Variants in CDH12 observed in about 807,000 individuals in gnomAD.
The protein encoded by CDH12 is cadherin 12, also known as cadherin-12.
A neutral mutation model predicts 74.1 loss-of-function variants in CDH12; 41 were observed. The observed-to-expected ratio is 0.55, with a 90% CI of 0.43 to 0.72. The LOEUF is 0.72. CDH12 is among the 30% of genes least tolerant of loss of function. The pLI is 0.00. For synonymous variants in CDH12, 399 were observed against 355.0 expected (o/e 1.12, Z -1.39); for missense variants, 945 against 977.2 (o/e 0.97, Z 0.44).
intron 1 of CDH12, among the ~76,000 whole-genome samples, chr5:22,735,057 A>G (rs1195894408): frequency 6.6e-6 from 1 of 151,940 alleles, no homozygotes; most frequent in African/African-American, 2.4e-5. Context: ...TTACATCAGT[A>G]TCTGAATTGC....
chr5:21,968,999 G>A (rs1756713097), intron 6 of CDH12, among the ~76,000 whole-genome samples: 1 of 151,550 alleles, frequency 6.6e-6, no homozygotes, highest in South Asian at 2.1e-4. Flanking sequence ...GTAGGGAGGG[G>A]GAGCATTAGA....
chr5:22,579,636 T>G (rs780186434), intron 1 of CDH12, among the ~76,000 whole-genome samples: 1 of 152,200 alleles, frequency 6.6e-6, no homozygotes, highest in African/African-American at 2.4e-5. Context: ...CTTTTTTATT[T>G]CATTGTTTTC....
chr5:21,855,387 A>G (rs1750700025), intron 6 of CDH12, among the ~76,000 whole-genome samples: 1 of 151,670 alleles, frequency 6.6e-6, no homozygotes, highest in African/African-American at 2.4e-5. Context: ...CCACAGTCAA[A>G]TGATCTGCAG....
intron 13 of CDH12, among the ~76,000 whole-genome samples, chr5:21,757,889 T>C (rs1267982494): frequency 6.6e-6 from 1 of 152,190 alleles, no homozygotes; most frequent in Non-Finnish European, 1.5e-5. Flanking sequence ...TTATCAATTC[T>C]ATTTCCATCC....
chr5:21,975,096 G>A lies in CDH12; in HGVS notation c.521C>T (p.Pro174Leu). Reference sequence around the variant, plus strand: ...ATTTTGATTTGCCTACTCACCCACAGGAGACATTTCTGGAACAGTAGCAAC... The same window carrying A: ...ATTTTGATTTGCCTACTCACCCACAAGAGACATTTCTGGAACAGTAGCAAC... ...PYVATVPEMS[P>L]VGAYVLQVKA... The change falls in exon 6 of 15, where the codon CCT (proline) becomes CTT (leucine). Residue 174 changes from proline to leucine, a missense_variant. This residue lies in a region of CDH12 where 791 missense variants were observed against 792.8 expected (regional missense o/e 1.00). Coordinates refer to ENST00000382254, the MANE Select transcript of CDH12 (RefSeq NM_004061.5). 1.3e-6 allele frequency: 2 copies of A among 1,593,246 alleles called. No individual in the cohort carries two copies. Among genetic ancestry groups the A allele is most frequent in the Admixed American group, 1.7e-5 (1 of 59,552 alleles).
intron 4 of CDH12, among the ~76,000 whole-genome samples, chr5:22,187,553 TG>T (rs1750028093): frequency 6.7e-6 from 1 of 150,236 alleles, no homozygotes; most frequent in South Asian, 2.1e-4. Context: ...TCAAGTTCAT[TG>T]TGACCACGAA....
At chr5:22,470,536 A>G (rs1306025497) in intron 2 of CDH12, among the ~76,000 whole-genome samples, 1 of 152,142 alleles carries the variant, frequency 6.6e-6, no homozygotes, top group East Asian at 1.9e-4. Flanking sequence ...TCCCCGCATC[A>G]GCCTTCTGAT....
At chr5:22,382,961 G>T (rs1741833748) in intron 3 of CDH12, among the ~76,000 whole-genome samples, 1 of 152,060 alleles carries the variant, frequency 6.6e-6, no homozygotes, top group South Asian at 2.1e-4. Context: ...CTTCTGAGTA[G>T]CTGGGATTTC....
At chr5:21,866,792 G>A (rs966531145) in intron 6 of CDH12, among the ~76,000 whole-genome samples, 11 of 152,158 alleles carry the variant, frequency 7.2e-5, no homozygotes, top group African/African-American at 2.7e-4. Context: ...TTAATCACAA[G>A]GACAATGAAG....
intron 1 of CDH12, among the ~76,000 whole-genome samples, chr5:22,714,915 T>C (rs1203511094): frequency 6.6e-6 from 1 of 152,224 alleles, no homozygotes; most frequent in Non-Finnish European, 1.5e-5. Context: ...GAACACTTTT[T>C]AGATGGAATA....
chr5:21,865,530 C>T (rs899734151), intron 6 of CDH12, among the ~76,000 whole-genome samples: 16 of 152,114 alleles, frequency 1.1e-4, no homozygotes, highest in African/African-American at 3.6e-4. Context: ...CCAGAGTGCC[C>T]TCCACAGACT....
chr5:22,585,671 CA>C (rs1740358881), intron 1 of CDH12, among the ~76,000 whole-genome samples: 1 of 152,064 alleles, frequency 6.6e-6, no homozygotes, highest in Admixed American at 6.6e-5. Context: ...ACTGTCTTGT[CA>C]ATCAGGAAAA....
chr5:22,061,832 G>T (rs1327223587), intron 5 of CDH12, among the ~76,000 whole-genome samples: 1 of 152,136 alleles, frequency 6.6e-6, no homozygotes, highest in Non-Finnish European at 1.5e-5. Context: ...CTTGTACTAT[G>T]TGACACTCTA....
intron 1 of CDH12, among the ~76,000 whole-genome samples, chr5:22,633,779 C>T (rs1281690803): frequency 6.6e-6 from 1 of 152,146 alleles, no homozygotes; most frequent in East Asian, 1.9e-4. Context: ...ATCTCCAGCT[C>T]ACAGAAGGCA....
At chr5:22,541,197 G>C (rs528885716) in intron 1 of CDH12, among the ~76,000 whole-genome samples, 1 of 152,272 alleles carries the variant, frequency 6.6e-6, no homozygotes, top group Non-Finnish European at 1.5e-5. Flanking sequence ...GCAGACAATG[G>C]TGTCAGATAC....
chr5:21,773,155 G>A (rs552682564), intron 11 of CDH12, among the ~76,000 whole-genome samples: 77 of 152,072 alleles, frequency 5.1e-4, no homozygotes, highest in Non-Finnish European at 9.9e-4. Flanking sequence ...AGTGCTTTAC[G>A]AAATGATGTG....
intron 1 of CDH12, among the ~76,000 whole-genome samples, chr5:22,743,130 TCTC>T (rs1237080437): frequency 6.6e-6 from 1 of 151,476 alleles, no homozygotes; most frequent in African/African-American, 2.4e-5. Context: ...TTACGTGAGT[TCTC>T]CTGGTTCTGA....
At chr5:22,410,407 C>G (rs1291289567) in intron 2 of CDH12, among the ~76,000 whole-genome samples, 1 of 152,042 alleles carries the variant, frequency 6.6e-6, no homozygotes, top group Admixed American at 6.6e-5. Flanking sequence ...GAAGGTCCTG[C>G]CCCAGACTCG....
At chr5:22,217,530 T>C (rs2150366832) in intron 3 of CDH12, among the ~76,000 whole-genome samples, 1 of 151,872 alleles carries the variant, frequency 6.6e-6, no homozygotes, top group Non-Finnish European at 1.5e-5. Flanking sequence ...TTGCTTTGCA[T>C]TTTAGACCTT....
Sources: gnomAD v4.1 joint callset for allele counts (sites outside exome capture counted in the v4.1 genomes callset) on GRCh38, gnomAD v4.1.1 for gene constraint, gnomAD v4.1.1 regional missense constraint, MANE v1.5 for transcripts, NCBI Gene and HGNC (gene_info 2026-07-23, HGNC 2026-07-21) for gene names.